The following PSD2 variants were observed in gnomAD, a reference collection of about 807,000 sequenced individuals.
PSD2 encodes PH and SEC7 domain-containing protein 2.
PSD2 carries 38 observed loss-of-function variants against 69.8 expected under a neutral mutation model. The ratio of observed to expected loss-of-function variants is 0.54; its 90% CI spans 0.42 to 0.71. The LOEUF is 0.71. Ranked by LOEUF, PSD2 falls within the 30% of genes least tolerant of loss-of-function variation. The pLI, the probability that PSD2 is intolerant of heterozygous loss-of-function variation, is 0.00. For missense variants in PSD2, 943 were observed against 1,014.5 expected (o/e 0.93, Z 0.96); for synonymous variants, 412 against 423.0 (o/e 0.97, Z 0.32).
the PSD2 span, among the ~76,000 whole-genome samples, chr5:139,763,502 G>C: frequency 6.6e-6 from 1 of 152,190 alleles, no homozygotes; most frequent in Non-Finnish European, 1.5e-5. Context: ...AGCCGAGTGG[G>C]CCCACTTGTC....
At chr5:139,835,284 A>T (rs1048485602) in intron 8 of PSD2, among the ~76,000 whole-genome samples, 2 of 150,944 alleles carry the variant, frequency 1.3e-5, no homozygotes, top group Non-Finnish European at 2.9e-5. Flanking sequence ...TCTTCTATTC[A>T]TTCACCCATC....
Position 139,837,784 on chromosome 5 carries a change from T to C in PSD2, c.1823+2T>C. 1 of 1,607,286 alleles carries C rather than the reference T, an allele frequency of 6.2e-7. No individual in the cohort carries two copies. The highest frequency in any genetic ancestry group is 8.5e-7 in the Non-Finnish European group (1 of 1,174,902). On this transcript the variant is annotated splice_donor_variant, in intron 12 of 14. Coordinates refer to ENST00000274710, the MANE Select transcript of PSD2 (RefSeq NM_032289.4). LOFTEE classifies it high-confidence loss of function. The surrounding 1 kb of genome is among the most constrained non-coding windows in gnomAD (Gnocchi z 5.0). The stretch of plus-strand genomic sequence containing the variant: ...GAGGGTATTCCTCTTCCAGGCACCG[T>C]GAGTAGGAGCTGGAGCCCTTCACTC...
At chr5:139,806,821 C>A (rs1360929292) in intron 1 of PSD2, among the ~76,000 whole-genome samples, 1 of 152,204 alleles carries the variant, frequency 6.6e-6, no homozygotes, top group African/African-American at 2.4e-5. Flanking sequence ...GGCTCAGCTA[C>A]TTCTGGGCTC....
chr5:139,809,227 A>G (rs1304889133), intron 1 of PSD2, among the ~76,000 whole-genome samples, 164 bp from the exon 2 acceptor site: 1 of 152,228 alleles, frequency 6.6e-6, no homozygotes, highest in East Asian at 1.9e-4. Flanking sequence ...CAGTGAGGGC[A>G]GCATGGCCCG....
intron 1 of PSD2, among the ~76,000 whole-genome samples, chr5:139,804,944 C>T (rs1210292898): frequency 6.7e-6 from 1 of 148,240 alleles, no homozygotes; most frequent in African/African-American, 2.5e-5. Context: ...CATGTGTCTG[C>T]ACGTGTGCGT....
At chr5:139,809,340 C>T (rs547456992) in intron 1 of PSD2, 51 bp from the exon 2 acceptor site, 2 of 1,428,904 alleles carry the variant, frequency 1.4e-6, no homozygotes, top group African/African-American at 1.5e-5. Flanking sequence ...TTAGGTGCCC[C>T]CCAGCCCCAG....
rs1759909520 is a variant in PSD2, at chr5:139,809,717, T to A, written c.277T>A (p.Ser93Thr). 6.2e-7 allele frequency: 1 copy of A among 1,614,116 alleles called. No homozygotes were observed. The highest frequency in any genetic ancestry group is 1.3e-5 in the African/African-American group (1 of 74,928). ...LGPDLNILED[S>T]AESRPWRAGV... The stretch of plus-strand genomic sequence containing the variant: ...GCCAGACTTGAACATTCTGGAAGAT[T>A]CAGCGGAGTCCAGGCCCTGGAGGGC... The change falls in exon 2 of 15, where the codon TCA becomes ACA. Residue 93 changes from serine (S) to threonine (T), a missense_variant. By Grantham distance (58) the Ser-to-Thr change is moderately conservative. Transcript: ENST00000274710.
chr5:139,822,698 A>G (rs201226746), intron 6 of PSD2, 28 bp from the exon 7 acceptor site: 52 of 1,601,120 alleles, frequency 3.2e-5, no homozygotes, highest in Middle Eastern at 3.3e-4. Flanking sequence ...GGATCCTCGC[A>G]CTGAGAGTGC....
At chr5:139,809,844 C>T (rs1394013501) in intron 2 of PSD2, 33 bp downstream of exon 2, 1 of 1,608,584 alleles carries the variant, frequency 6.2e-7, no homozygotes, top group Non-Finnish European at 8.5e-7. Context: ...GAGCTCACCA[C>T]ATTTGGCTGT....
chr5:139,800,628 G>A (rs529417964), intron 1 of PSD2, among the ~76,000 whole-genome samples: 77 of 152,304 alleles, frequency 5.1e-4, no homozygotes, highest in African/African-American at 1.7e-3. Flanking sequence ...TCCTTTCAGC[G>A]GATAATCTTT....
chr5:139,748,827 C>G, the PSD2 span, among the ~76,000 whole-genome samples: 814 of 152,240 alleles, frequency 5.3e-3, 3 homozygotes, highest in Non-Finnish European at 7.4e-3. Context: ...TAATTATCGT[C>G]TCCTGAAAAG....
At chr5:139,774,121 G>A in the PSD2 span, among the ~76,000 whole-genome samples, 6 of 151,054 alleles carry the variant, frequency 4.0e-5, no homozygotes, top group Non-Finnish European at 5.9e-5. Context: ...CGCAGCACTC[G>A]GTCTCGTTTT....
At chr5:139,832,897 A>T (rs915293843) in intron 7 of PSD2, among the ~76,000 whole-genome samples, 2 of 152,182 alleles carry the variant, frequency 1.3e-5, no homozygotes, top group Non-Finnish European at 2.9e-5. Context: ...TTAAAACAAG[A>T]AGGCAGAACT....
chr5:139,822,881 G>A (rs544085287), intron 7 of PSD2, 97 bp downstream of exon 7: 84 of 1,125,152 alleles, frequency 7.5e-5, no homozygotes, highest in Non-Finnish European at 9.2e-5. Context: ...CTCAGTGGCC[G>A]GGCTTCTTTT....
intron 1 of PSD2, among the ~76,000 whole-genome samples, chr5:139,802,411 G>A (rs977899311): frequency 5.3e-5 from 8 of 151,988 alleles, no homozygotes; most frequent in Non-Finnish European, 1.0e-4. Flanking sequence ...TGTTGTATCC[G>A]AGGCTGGGCT....
the PSD2 span, among the ~76,000 whole-genome samples, chr5:139,755,212 TC>T: frequency 2.0e-5 from 3 of 152,190 alleles, no homozygotes; most frequent in Non-Finnish European, 2.9e-5. Flanking sequence ...GGGTCTGTGT[TC>T]CAGCGACGCC....
chr5:139,830,458 C>G (rs1760545649), intron 7 of PSD2, among the ~76,000 whole-genome samples: 1 of 150,878 alleles, frequency 6.6e-6, no homozygotes, highest in African/African-American at 2.4e-5. Flanking sequence ...TCAAGCAATC[C>G]TCTCACCTCA....
chr5:139,835,858 AT>A, intron 9 of PSD2, 92 bp downstream of exon 9: 1 of 1,235,362 alleles, frequency 8.1e-7, no homozygotes. Context: ...ACCACTCTCC[AT>A]GGTGCTGATC....
chr5:139,751,719 G>A, the PSD2 span, among the ~76,000 whole-genome samples: 1 of 152,012 alleles, frequency 6.6e-6, no homozygotes, highest in East Asian at 1.9e-4. Flanking sequence ...ATCAGGGAAG[G>A]AGAGATGACC....
Sources: gnomAD v4.1 joint callset for allele counts (sites outside exome capture counted in the v4.1 genomes callset) on GRCh38, gnomAD v4.1.1 for gene constraint, Gnocchi (gnomAD v3.1) non-coding constraint, MANE v1.5 for transcripts, NCBI Gene and HGNC (gene_info 2026-07-23, HGNC 2026-07-21) for gene names.